PDE4D: variants seen among roughly 807,000 people sequenced by gnomAD.
PDE4D encodes 3',5'-cyclic-AMP phosphodiesterase 4D.
In PDE4D, 24 loss-of-function variants were observed where a neutral mutation model predicts 87.4. The ratio of observed to expected loss-of-function variants is 0.27; its 90% CI spans 0.20 to 0.39. The LOEUF is 0.39. Ranked by LOEUF, PDE4D falls within the 10% of genes least tolerant of loss-of-function variation. The probability of loss-of-function intolerance (pLI) is 1.00; values close to 1 mark genes in which losing one functional copy is unlikely to be tolerated. For missense variants in PDE4D, 714 were observed against 1,041.0 expected (o/e 0.69, Z 4.32); for synonymous variants, 384 against 383.2 (o/e 1.00, Z -0.02).
chr5:60,035,283 G>A (rs768221978), intron 2 of PDE4D, among the ~76,000 whole-genome samples: 5 of 150,582 alleles, frequency 3.3e-5, no homozygotes, highest in African/African-American at 7.3e-5. Context: ...GCATACTTGT[G>A]TATACTGATT....
intron 1 of PDE4D, among the ~76,000 whole-genome samples, chr5:59,305,303 C>G (rs1339474754): frequency 2.6e-5 from 4 of 151,938 alleles, no homozygotes; most frequent in Admixed American, 2.0e-4. Context: ...GTTAATCTTG[C>G]TAATGGTCTA....
At chr5:59,156,331 A>ATATATATATATGTGTGTGTGTG (rs1384479557) in intron 5 of PDE4D, among the ~76,000 whole-genome samples, 10 of 122,758 alleles carry the variant, frequency 8.1e-5, no homozygotes, top group African/African-American at 3.0e-4. Flanking sequence ...ATATATATAT[A>ATATATATATATGTGTGTGTGTG]TGTGTGTGTG....
intron 1 of PDE4D, among the ~76,000 whole-genome samples, chr5:60,422,460 G>T (rs1743210562): frequency 6.6e-6 from 1 of 152,122 alleles, no homozygotes; most frequent in African/African-American, 2.4e-5. Context: ...TGTAAGTGAA[G>T]GAGAAATAAA....
intron 1 of PDE4D, among the ~76,000 whole-genome samples, chr5:59,754,166 C>T (rs1033255716): frequency 3.9e-5 from 6 of 152,028 alleles, no homozygotes; most frequent in Admixed American, 3.3e-4. Context: ...CCCCTCTCTA[C>T]CAAAAATATA....
chr5:60,027,555 C>T (rs997270144), intron 2 of PDE4D, among the ~76,000 whole-genome samples: 1 of 152,172 alleles, frequency 6.6e-6, no homozygotes, highest in Non-Finnish European at 1.5e-5. Flanking sequence ...TTACTTCCAT[C>T]ATAGTACTTG....
intron 2 of PDE4D, among the ~76,000 whole-genome samples, chr5:60,080,231 T>C (rs1046917937): frequency 6.6e-6 from 1 of 152,248 alleles, no homozygotes; most frequent in African/African-American, 2.4e-5. Flanking sequence ...ACATTGATTC[T>C]GTATCTTGAG....
At chr5:59,588,265 A>G (rs1317344145) in intron 1 of PDE4D, among the ~76,000 whole-genome samples, 2 of 152,156 alleles carry the variant, frequency 1.3e-5, no homozygotes, top group African/African-American at 4.8e-5. Context: ...TGTTGCAAAA[A>G]TTCTGTTCAA....
chr5:59,695,445 C>T (rs1751631069), intron 1 of PDE4D, among the ~76,000 whole-genome samples: 2 of 152,146 alleles, frequency 1.3e-5, no homozygotes. Context: ...CGAATTGTTT[C>T]ACTAGTTATC....
chr5:60,322,611 C>T (rs868586974), intron 1 of PDE4D, among the ~76,000 whole-genome samples: 31 of 152,112 alleles, frequency 2.0e-4, no homozygotes, highest in African/African-American at 6.0e-4. Context: ...TGCTTATTCC[C>T]CTTCTCATGA....
chr5:59,853,762 A>T (rs1745014453), intron 1 of PDE4D, among the ~76,000 whole-genome samples: 1 of 152,040 alleles, frequency 6.6e-6, no homozygotes, highest in Non-Finnish European at 1.5e-5. Flanking sequence ...CCAATCTTAA[A>T]AATATACATG....
chr5:59,283,134 AC>A (rs1300695333), intron 1 of PDE4D, among the ~76,000 whole-genome samples: 1 of 152,328 alleles, frequency 6.6e-6, no homozygotes, highest in Non-Finnish European at 1.5e-5. Flanking sequence ...GACATGTAAA[AC>A]CTTAGCAAAG....
chr5:59,263,177 G>A (rs1762307107), intron 1 of PDE4D, among the ~76,000 whole-genome samples: 2 of 151,884 alleles, frequency 1.3e-5, no homozygotes, highest in Non-Finnish European at 2.9e-5. Context: ...TTGTAATATG[G>A]AAGAACTCAC....
At chr5:59,129,485 G>T (rs1775963584) in intron 5 of PDE4D, among the ~76,000 whole-genome samples, 1 of 152,170 alleles carries the variant, frequency 6.6e-6, no homozygotes, top group Admixed American at 6.5e-5. Flanking sequence ...TGAGCTCCCT[G>T]AGCCCAGCCA....
intron 1 of PDE4D, among the ~76,000 whole-genome samples, chr5:59,415,937 T>C (rs1294474553): frequency 1.3e-5 from 2 of 152,184 alleles, no homozygotes; most frequent in Non-Finnish European, 2.9e-5. Flanking sequence ...GAGAAATACA[T>C]AAATGAGAGG....
chr5:59,432,538 T>C (rs1796255015), intron 1 of PDE4D, among the ~76,000 whole-genome samples: 1 of 152,154 alleles, frequency 6.6e-6, no homozygotes, highest in African/African-American at 2.4e-5. Flanking sequence ...GCAGTTCATA[T>C]TCCCACAGTC....
At chr5:59,980,036 G>T (rs1049684735) in intron 3 of PDE4D, among the ~76,000 whole-genome samples, 41 of 152,162 alleles carry the variant, frequency 2.7e-4, no homozygotes, top group African/African-American at 8.9e-4. Flanking sequence ...AATGCACTCT[G>T]GTCATGTTAA....
intron 1 of PDE4D, among the ~76,000 whole-genome samples, chr5:59,514,172 C>T (rs1335360281): frequency 6.7e-6 from 1 of 149,842 alleles, no homozygotes; most frequent in Admixed American, 6.7e-5. Context: ...GTGGTGCGAT[C>T]TCGGCTCACT....
At chr5:59,564,747 C>A (rs117746774) in intron 1 of PDE4D, among the ~76,000 whole-genome samples, 1 of 151,976 alleles carries the variant, frequency 6.6e-6, no homozygotes, top group Non-Finnish European at 1.5e-5. Context: ...TGACAAAGGG[C>A]CCCCAGGAAA....
intron 1 of PDE4D, among the ~76,000 whole-genome samples, chr5:59,602,383 C>T (rs1561301948): frequency 6.6e-6 from 1 of 151,960 alleles, no homozygotes; most frequent in Non-Finnish European, 1.5e-5. Flanking sequence ...CCACTCTTGC[C>T]ACTTCTATTC....
Sources: gnomAD v4.1 joint callset for allele counts (sites outside exome capture counted in the v4.1 genomes callset) on GRCh38, gnomAD v4.1.1 for gene constraint, MANE v1.5 for transcripts, NCBI Gene and HGNC (gene_info 2026-07-23, HGNC 2026-07-21) for gene names.